Variants in PIAS1 observed in about 807,000 individuals in gnomAD.
PIAS1 encodes E3 SUMO-protein ligase PIAS1.
Under a neutral mutation model 71.3 loss-of-function variants are expected in PIAS1, and 6 were observed. The ratio of observed to expected loss-of-function variants is 0.08; its 90% confidence interval spans 0.05 to 0.17. PIAS1 has a LOEUF of 0.17. Among genes scored for constraint, PIAS1 ranks in the 10% least tolerant of loss-of-function variants. The pLI is 1.00. For synonymous variants in PIAS1, 303 were observed against 292.9 expected (o/e 1.03, Z -0.35); for missense variants, 555 against 793.6 (o/e 0.70, Z 3.61).
rs113271539 is a variant in PIAS1, at chr15:68,060,479, G to C, written c.24+6129G>C. 4.5e-3 allele frequency among the ~76,000 whole-genome samples: 677 copies of C among 152,044 alleles called. 8 individuals carry two copies. The highest frequency in any genetic ancestry group is 0.014 in the African/African-American group (576 of 41,464). On this transcript the variant is annotated intron_variant, in intron 1 of 13. Transcript: ENST00000249636. ...AATACAAAAATTAGCCGGGCGTGGT[G>C]GTGCGCACCTGTAATCTCAGCTACT... is the stretch of plus-strand genomic sequence containing the variant.
chr15:68,077,238 T>C (rs1234951342), intron 1 of PIAS1, among the ~76,000 whole-genome samples: 2 of 152,176 alleles, frequency 1.3e-5, no homozygotes, highest in Non-Finnish European at 2.9e-5. Context: ...CGTGAATGAC[T>C]TGTTAGGTTA....
intron 7 of PIAS1, among the ~76,000 whole-genome samples, chr15:68,157,888 T>G (rs763842333): frequency 6.6e-6 from 1 of 152,144 alleles, no homozygotes; most frequent in African/African-American, 2.4e-5. Context: ...ACTCACCAAC[T>G]CCTGTCAAAC....
intron 10 of PIAS1, 145 bp downstream of exon 10, chr15:68,175,912 G>A: frequency 4.2e-6 from 2 of 475,918 alleles, no homozygotes; most frequent in Non-Finnish European, 6.7e-6. Context: ...TAAATGTTCA[G>A]AAGTAATAGA....
In PIAS1 at chr15:68,171,443, A is replaced by G. The variant is rs1219804560; in HGVS notation, c.1009-2289A>G. Among the ~76,000 whole-genome samples, 2 of 152,194 alleles carry G rather than the reference A, an allele frequency of 1.3e-5. No homozygotes were observed. Among genetic ancestry groups the G allele is most frequent in the Non-Finnish European group, 2.9e-5 (2 of 68,036 alleles). ...TGGCTGTCTTAATTTGAAGACCTCT[A>G]TCGTATATGCGGTTCAGTGTTGACC... On this transcript the variant is annotated intron_variant, in intron 8 of 13. Coordinates refer to ENST00000249636, the MANE Select transcript of PIAS1 (RefSeq NM_016166.3). The surrounding 1 kb of genome is among the most constrained non-coding windows in gnomAD (Gnocchi z 4.4).
intron 1 of PIAS1, among the ~76,000 whole-genome samples, chr15:68,067,815 A>G (rs114048302): frequency 0.01 from 1,542 of 152,278 alleles, 25 homozygotes; most frequent in African/African-American, 0.034. Context: ...TAAATAGAGC[A>G]TTCTAAAACC....
At chr15:68,111,273 G>A (rs1179993943) in intron 2 of PIAS1, among the ~76,000 whole-genome samples, 3 of 152,136 alleles carry the variant, frequency 2.0e-5, no homozygotes, top group Non-Finnish European at 4.4e-5. Context: ...CAGAGGTAAG[G>A]GTTGGCAAGA....
At chr15:68,154,977 C>G (rs912689702) in intron 7 of PIAS1, among the ~76,000 whole-genome samples, 11 of 152,250 alleles carry the variant, frequency 7.2e-5, no homozygotes, top group African/African-American at 2.6e-4. Context: ...CCTCACAATA[C>G]TAGAATCTCA....
chr15:68,120,995 G>A (rs1322414364), intron 2 of PIAS1, among the ~76,000 whole-genome samples: 2 of 152,102 alleles, frequency 1.3e-5, no homozygotes, highest in African/African-American at 4.8e-5. Flanking sequence ...TAAACAATCA[G>A]TTCTCTTTTG....
intron 1 of PIAS1, among the ~76,000 whole-genome samples, chr15:68,080,526 A>C (rs1166451223): frequency 1.3e-5 from 2 of 152,224 alleles, no homozygotes; most frequent in African/African-American, 4.8e-5. Flanking sequence ...CTTTGAATAG[A>C]AACTGTCTAA....
chr15:68,097,387 T>A (rs2092384801), intron 2 of PIAS1, among the ~76,000 whole-genome samples: 1 of 152,158 alleles, frequency 6.6e-6, no homozygotes, highest in African/African-American at 2.4e-5. Flanking sequence ...ATGCCCTTCC[T>A]GTTGAGTTTT....
intron 2 of PIAS1, among the ~76,000 whole-genome samples, chr15:68,107,330 G>A (rs929441348): frequency 1.3e-5 from 2 of 152,180 alleles, no homozygotes; most frequent in Non-Finnish European, 2.9e-5. Context: ...TCACTCTAAT[G>A]AGTCCTCTTA....
intron 2 of PIAS1, among the ~76,000 whole-genome samples, chr15:68,123,327 C>T (rs186888849): frequency 2.0e-5 from 3 of 152,294 alleles, no homozygotes; most frequent in East Asian, 1.9e-4. Flanking sequence ...GCTGGGATTA[C>T]AGGTGTGAGC....
chr15:68,124,887 AAT>A (rs2092639338), intron 2 of PIAS1, among the ~76,000 whole-genome samples: 1 of 152,216 alleles, frequency 6.6e-6, no homozygotes, highest in Non-Finnish European at 1.5e-5. Context: ...ATGTATAAGT[AAT>A]ATGCTTGCAT....
In PIAS1 at chr15:68,068,522, G is replaced by A. The variant is rs144974265; in HGVS notation, c.24+14172G>A. Reference sequence around the variant, plus strand: ...GGTTGGAGTACAATGGCGCTATCTCGGCTCACTGCAACCTCTGCCTCCTGG... The same window carrying A: ...GGTTGGAGTACAATGGCGCTATCTCAGCTCACTGCAACCTCTGCCTCCTGG... On this transcript the variant is annotated intron_variant, in intron 1 of 13. Coordinates refer to ENST00000249636, the MANE Select transcript of PIAS1 (RefSeq NM_016166.3). Among the ~76,000 whole-genome samples the A allele has an allele frequency of 6.9e-3, 1,054 of 152,076 alleles. 4 individuals carry two copies. The highest frequency in any genetic ancestry group is 0.033 in the East Asian group (168 of 5,164).
In PIAS1 at chr15:68,193,706, A is replaced by G. The variant is rs1339083836; in HGVS notation, c.*5871A>G. 1.4e-5 allele frequency: 4 copies of G among 292,372 alleles called. No individual in the cohort carries two copies. Among genetic ancestry groups the G allele is most frequent in the Non-Finnish European group, 2.6e-5 (4 of 154,734 alleles). The allele number at this position is 292,372 out of a possible 1,614,324, so 18.1% of individuals were successfully genotyped here. On this transcript the variant is annotated 3_prime_UTR_variant, in exon 14 of 14. Coordinates refer to ENST00000249636, the MANE Select transcript of PIAS1 (RefSeq NM_016166.3). Reference sequence around the variant, plus strand: ...TTGAGGAGTGAAATGATTTGCCCAAAGTCACAGTGGGAAGCAGCAGAGCCA... The same window carrying G: ...TTGAGGAGTGAAATGATTTGCCCAAGGTCACAGTGGGAAGCAGCAGAGCCA...
intron 2 of PIAS1, among the ~76,000 whole-genome samples, chr15:68,141,629 G>A (rs551675263): frequency 2.0e-4 from 30 of 152,036 alleles, no homozygotes; most frequent in African/African-American, 5.5e-4. Context: ...AATAAAATTC[G>A]TATGTTTTTA....
At chr15:68,160,853 A>G (rs2092919603) in intron 7 of PIAS1, among the ~76,000 whole-genome samples, 1 of 152,220 alleles carries the variant, frequency 6.6e-6, no homozygotes, top group Admixed American at 6.5e-5. Context: ...TGATATCATC[A>G]CTAATGGTCT....
At position 68,187,698 on chromosome 15, in the gene PIAS1, A is replaced by C; in HGVS notation, c.1819A>C (p.Ser607Arg). 1 of 1,614,022 alleles carries C rather than the reference A, an allele frequency of 6.2e-7. No homozygotes were observed. The highest frequency in any genetic ancestry group is 2.2e-5 in the East Asian group (1 of 44,880). ...GSTSLPTTNG[S>R]SSGSNSSLVS... ...TACTTCTCTGCCAACCACCAATGGA[A>C]GCAGTAGTGGCAGTAACAGCAGCCT... The change falls in exon 14 of 14, where the codon AGC (serine) becomes CGC (arginine). Residue 607 changes from serine (S) to arginine (R), a missense_variant. This residue lies in a region of PIAS1 where 244 missense variants were observed against 307.5 expected (regional missense o/e 0.79). Transcript: ENST00000249636. The surrounding 1 kb of genome is among the most constrained non-coding windows in gnomAD (Gnocchi z 5.3).
intron 2 of PIAS1, among the ~76,000 whole-genome samples, chr15:68,094,051 T>G (rs535991098): frequency 1.3e-5 from 2 of 152,250 alleles, no homozygotes; most frequent in Admixed American, 1.3e-4. Flanking sequence ...TTTTTAAGCC[T>G]GGGAAGGTGG....
Sources: gnomAD v4.1 joint callset for allele counts (sites outside exome capture counted in the v4.1 genomes callset) on GRCh38, gnomAD v4.1.1 for gene constraint, gnomAD v4.1.1 regional missense constraint, Gnocchi (gnomAD v3.1) non-coding constraint, MANE v1.5 for transcripts, NCBI Gene and HGNC (gene_info 2026-07-23, HGNC 2026-07-21) for gene names.